The following NMNAT1 variants were observed in gnomAD, a reference collection of about 807,000 sequenced individuals.
The protein encoded by NMNAT1 is nicotinamide nucleotide adenylyltransferase 1.
Under a neutral mutation model 16.7 loss-of-function variants are expected in NMNAT1, and 11 were observed. The ratio of observed to expected loss-of-function variants is 0.66; its 90% CI spans 0.41 to 1.09. NMNAT1 has a LOEUF of 1.09. Among genes scored for constraint, NMNAT1 ranks in the 50% least tolerant of loss-of-function variants. The probability of loss-of-function intolerance (pLI) is 0.00; values close to 1 mark genes in which losing one functional copy is unlikely to be tolerated. For missense variants in NMNAT1, 280 were observed against 332.3 expected (o/e 0.84, Z 1.22); for synonymous variants, 110 against 119.8 (o/e 0.92, Z 0.53).
intron 1 of NMNAT1, among the ~76,000 whole-genome samples, chr1:9,968,609 A>AAAAAAAG (rs1641614577): frequency 4.0e-4 from 55 of 138,324 alleles, no homozygotes; most frequent in Non-Finnish European, 6.7e-4. Flanking sequence ...TGTACTAAAA[A>AAAAAAAG]TACAAAAAAT....
chr1:9,949,229 T>G (rs1189780938), intron 1 of NMNAT1, among the ~76,000 whole-genome samples: 1 of 147,986 alleles, frequency 6.8e-6, no homozygotes, highest in Non-Finnish European at 1.5e-5. Context: ...ATCACACCAC[T>G]GCACTCCGGC....
chr1:9,961,332 CTT>C (rs150895688), intron 1 of NMNAT1, among the ~76,000 whole-genome samples: 2,607 of 152,242 alleles, frequency 0.017, 67 homozygotes, highest in African/African-American at 0.058. Context: ...CCATCTCTCT[CTT>C]GGGAATAGTA....
chr1:9,981,119 A>G lies in NMNAT1; in HGVS notation c.388A>G (p.Thr130Ala). ...AAGGCCTGGAAGGAAGAGGAAGTGG[A>G]CTGAAACACAAGATTCTAGTCAAAA... ...LERPGRKRKW[T>A]ETQDSSQKKS... Residue 130 changes from threonine (T) to alanine (A), a missense_variant, in exon 4 of 5, where the codon ACT (threonine) becomes GCT (alanine). Coordinates refer to ENST00000377205, the MANE Select transcript of NMNAT1 (RefSeq NM_022787.4). The G allele has an allele frequency of 6.2e-7, 1 of 1,613,868 alleles. No individual in the cohort carries two copies. Among genetic ancestry groups the G allele is most frequent in the Non-Finnish European group, 8.5e-7 (1 of 1,179,940 alleles).
chr1:9,971,376 C>T (rs1219757387), intron 1 of NMNAT1, among the ~76,000 whole-genome samples: 2 of 152,018 alleles, frequency 1.3e-5, no homozygotes, highest in Non-Finnish European at 2.9e-5. Context: ...TGCAGTGGCA[C>T]AGTCTCGGCT....
chr1:9,972,028 A>G lies in NMNAT1; in HGVS notation c.-46A>G, dbSNP rs759311025. ...CTTTTTCCTTTGTAGACAACAAGGG[A>G]GGTGTCACAGTTTTCCATTTAGATC... On this transcript the variant is annotated 5_prime_UTR_variant, in exon 2 of 5. Transcript: ENST00000377205. The G allele has an allele frequency of 1.1e-6, 1 of 926,646 alleles. No individual in the cohort carries two copies. Among genetic ancestry groups the G allele is most frequent in the Non-Finnish European group, 1.8e-6 (1 of 557,022 alleles). The allele number at this position is 926,646 out of a possible 1,614,324, so 57.4% of individuals were successfully genotyped here.
chr1:9,945,149 G>A (rs1640945420), intron 1 of NMNAT1, among the ~76,000 whole-genome samples: 1 of 152,102 alleles, frequency 6.6e-6, no homozygotes, highest in Non-Finnish European at 1.5e-5. Flanking sequence ...CATGAGAATC[G>A]CTTGAACTCA....
At chr1:9,952,340 C>T (rs1641136802) in intron 1 of NMNAT1, 1 of 151,764 alleles carries the variant, frequency 6.6e-6, no homozygotes, top group Non-Finnish European at 1.5e-5. Flanking sequence ...AAAACATACA[C>T]AGTCTGTTGC....
the NMNAT1 span, among the ~76,000 whole-genome samples, chr1:9,996,309 C>CAAAAAAAAAAAAA: frequency 2.9e-5 from 3 of 101,916 alleles, no homozygotes; most frequent in Non-Finnish European, 2.0e-5. Context: ...GACTCCGTCT[C>CAAAAAAAAAAAAA]AAAAAAAAAA....
chr1:9,959,452 G>C (rs1641351186), intron 1 of NMNAT1, among the ~76,000 whole-genome samples: 1 of 149,888 alleles, frequency 6.7e-6, no homozygotes, highest in African/African-American at 2.5e-5. Flanking sequence ...GGAGGCCAAA[G>C]TAGGCAGATC....
At chr1:9,952,655 A>G (rs1254314430) in intron 1 of NMNAT1, among the ~76,000 whole-genome samples, 9 of 151,966 alleles carry the variant, frequency 5.9e-5, no homozygotes, top group Non-Finnish European at 1.3e-4. Context: ...CTCCTGCCTC[A>G]GCCTCCCTAG....
At chr1:9,982,008 C>T (rs1172108732) in intron 4 of NMNAT1, among the ~76,000 whole-genome samples, 2 of 152,108 alleles carry the variant, frequency 1.3e-5, no homozygotes, top group Non-Finnish European at 2.9e-5. Flanking sequence ...GGGTTACAGG[C>T]GTGCGCCACC....
At chr1:9,943,630 A>G (rs920074697) in intron 1 of NMNAT1, 115 bp downstream of exon 1, 5 of 152,244 alleles carry the variant, frequency 3.3e-5, no homozygotes, top group African/African-American at 1.2e-4. Context: ...AGGCAAGCTC[A>G]TATTCAGGTT....
intron 1 of NMNAT1, among the ~76,000 whole-genome samples, chr1:9,948,601 G>A (rs1641032088): frequency 6.6e-6 from 1 of 151,914 alleles, no homozygotes; most frequent in African/African-American, 2.4e-5. Flanking sequence ...AGTCCTTAAT[G>A]ACATTGGGAC....
Position 9,982,332 on chromosome 1 carries a change from A to G in NMNAT1, c.471A>G (p.Ala157=), listed in dbSNP as rs373788044. 1.4e-5 allele frequency: 23 copies of G among 1,613,812 alleles called. No individual in the cohort carries two copies. Among genetic ancestry groups the G allele is most frequent in the Admixed American group, 1.2e-4 (7 of 59,968 alleles). Residue 157 remains alanine (A), a synonymous_variant, in exon 5 of 5, where the codon GCA becomes GCG. Coordinates refer to ENST00000377205, the MANE Select transcript of NMNAT1 (RefSeq NM_022787.4). ...AVPKVKLLCG[A]DLLESFAVPN... is the part of the protein sequence containing the mutation. ...CAAAGGTCAAGCTGCTGTGTGGGGC[A>G]GATTTATTGGAGTCCTTTGCTGTTC...
At chr1:9,965,999 T>A (rs569415807) in intron 1 of NMNAT1, among the ~76,000 whole-genome samples, 17 of 148,986 alleles carry the variant, frequency 1.1e-4, no homozygotes, top group East Asian at 2.0e-4. Flanking sequence ...AAAAAAAAAA[T>A]TTTATTCAGA....
intron 2 of NMNAT1, among the ~76,000 whole-genome samples, chr1:9,974,474 C>T (rs962833660): frequency 4.6e-5 from 7 of 151,678 alleles, no homozygotes; most frequent in South Asian, 2.1e-4. Flanking sequence ...CTGCAAACTC[C>T]GCCTCCCAGG....
downstream of NMNAT1, among the ~76,000 whole-genome samples, chr1:9,988,776 G>A (rs1414081880): frequency 7.0e-6 from 1 of 143,142 alleles, no homozygotes; most frequent in Admixed American, 7.5e-5. Context: ...AGTGATTCTC[G>A]TGCCTCAGCC....
At chr1:9,969,651 T>C (rs1270183654) in intron 1 of NMNAT1, among the ~76,000 whole-genome samples, 6 of 152,130 alleles carry the variant, frequency 3.9e-5, no homozygotes, top group Admixed American at 3.9e-4. Context: ...CTTGGGAGGC[T>C]GAGGCAGGAG....
intron 1 of NMNAT1, among the ~76,000 whole-genome samples, chr1:9,956,605 T>C (rs770460772): frequency 4.0e-5 from 6 of 151,752 alleles, no homozygotes; most frequent in Non-Finnish European, 8.8e-5. Context: ...GCATTTTTAG[T>C]AGAGATGGGG....
Sources: allele counts gnomAD v4.1 joint callset (sites outside exome capture counted in the v4.1 genomes callset), GRCh38; gene constraint gnomAD v4.1.1; transcripts MANE v1.5; gene names NCBI Gene and HGNC (gene_info 2026-07-23, HGNC 2026-07-21).